Variants in SDK1 observed in about 807,000 individuals in gnomAD.
SDK1 encodes protein sidekick-1.
A neutral mutation model predicts 245.5 loss-of-function variants in SDK1; 157 were observed. The observed-to-expected ratio is 0.64, with a 90% confidence interval of 0.56 to 0.73. The LOEUF is 0.73. Ranked by LOEUF, SDK1 falls within the 30% of genes least tolerant of loss-of-function variation. The pLI is 0.00. For missense variants in SDK1, 3,583 were observed against 3,002.3 expected (o/e 1.19, Z -4.52); for synonymous variants, 1,647 against 1,278.5 (o/e 1.29, Z -6.15).
intron 5 of SDK1, among the ~76,000 whole-genome samples, chr7:3,901,318 C>G (rs1323830220): frequency 6.6e-6 from 1 of 152,134 alleles, no homozygotes; most frequent in Non-Finnish European, 1.5e-5. Context: ...TCCCGAGTAG[C>G]TGGGACTACA....
intron 44 of SDK1, among the ~76,000 whole-genome samples, chr7:4,264,532 CCGCG>C (rs1295858125): frequency 1.5e-5 from 2 of 132,650 alleles, no homozygotes; most frequent in Non-Finnish European, 3.2e-5. Flanking sequence ...GTGAGGGAGG[CCGCG>C]TGGACCTCTC....
chr7:3,547,171 G>T (rs1014725780), intron 1 of SDK1, among the ~76,000 whole-genome samples: 1 of 152,100 alleles, frequency 6.6e-6, no homozygotes, highest in Non-Finnish European at 1.5e-5. Flanking sequence ...AGTAGGTTTA[G>T]AAATTAATGT....
chr7:3,497,960 G>A (rs1475692188), intron 1 of SDK1, among the ~76,000 whole-genome samples: 1 of 152,192 alleles, frequency 6.6e-6, no homozygotes, highest in African/African-American at 2.4e-5. Flanking sequence ...GACAGATGCA[G>A]TGACCTTATC....
intron 1 of SDK1, among the ~76,000 whole-genome samples, chr7:3,547,785 G>A (rs1339757587): frequency 6.6e-6 from 1 of 152,126 alleles, no homozygotes; most frequent in African/African-American, 2.4e-5. Context: ...TGAGATGTGT[G>A]CACACTTCAT....
At chr7:3,847,512 G>A (rs1318058810) in intron 5 of SDK1, among the ~76,000 whole-genome samples, 1 of 152,234 alleles carries the variant, frequency 6.6e-6, no homozygotes, top group Non-Finnish European at 1.5e-5. Flanking sequence ...GACAGAAGGA[G>A]GATTGGAAGC....
chr7:3,768,160 C>T (rs902078698), intron 4 of SDK1, among the ~76,000 whole-genome samples: 3 of 152,168 alleles, frequency 2.0e-5, no homozygotes, highest in Admixed American at 6.5e-5. Flanking sequence ...GTTTAGCAAC[C>T]AGCTTTCTAA....
intron 35 of SDK1, among the ~76,000 whole-genome samples, chr7:4,185,343 T>C (rs892020925): frequency 6.6e-6 from 1 of 152,194 alleles, no homozygotes; most frequent in Non-Finnish European, 1.5e-5. Context: ...CCGGGCACTG[T>C]GGGACCACGC....
rs1481421168 is a variant in SDK1 at position 4,266,488 on chromosome 7, C to CGCTT, written c.*1105_*1108dup. 1.0e-6 allele frequency: 1 copy of CGCTT among 985,312 alleles called. No individual in the cohort carries two copies. The highest frequency in any genetic ancestry group is 6.1e-5 in the Admixed American group (1 of 16,264). The allele number at this position is 985,312 out of a possible 1,614,324, so 61.0% of individuals were successfully genotyped here. ...TCTGCTGGCTGCTCGCAGCAGCCAC[C>CGCTT]GCTTCTCCACCACTGGCGCTGCTGC... is the stretch of plus-strand genomic sequence containing the variant. On this transcript the variant is annotated 3_prime_UTR_variant, in exon 45 of 45. Transcript: ENST00000404826.
chr7:3,606,476 G>A (rs1352735467), intron 1 of SDK1, among the ~76,000 whole-genome samples: 1 of 152,116 alleles, frequency 6.6e-6, no homozygotes, highest in Non-Finnish European at 1.5e-5. Flanking sequence ...TATAAGTCCA[G>A]GGTCCCATAA....
chr7:3,348,140 C>G (rs1026984673), intron 1 of SDK1, among the ~76,000 whole-genome samples: 1 of 152,172 alleles, frequency 6.6e-6, no homozygotes, highest in African/African-American at 2.4e-5. Context: ...TCACAGACAG[C>G]AAAGCTCAAT....
At chr7:3,717,751 C>A (rs1298111954) in intron 4 of SDK1, among the ~76,000 whole-genome samples, 1 of 152,106 alleles carries the variant, frequency 6.6e-6, no homozygotes, top group Non-Finnish European at 1.5e-5. Context: ...TCTTAAAGCC[C>A]TTAGAGAAAC....
chr7:3,660,438 G>C (rs1783315920), intron 4 of SDK1, among the ~76,000 whole-genome samples: 1 of 152,102 alleles, frequency 6.6e-6, no homozygotes, highest in Admixed American at 6.5e-5. Context: ...ACAAAGCATA[G>C]AAAGAGAATG....
intron 5 of SDK1, among the ~76,000 whole-genome samples, chr7:3,933,638 G>T (rs539543346): frequency 6.6e-6 from 1 of 152,246 alleles, no homozygotes; most frequent in South Asian, 2.1e-4. Context: ...TTATCTAAAA[G>T]CATGGCAGAG....
chr7:3,990,370 G>A (rs1458506677), intron 14 of SDK1, among the ~76,000 whole-genome samples: 1 of 152,372 alleles, frequency 6.6e-6, no homozygotes, highest in Non-Finnish European at 1.5e-5. Flanking sequence ...TTTCCTCCCA[G>A]AGATGGGGCA....
intron 4 of SDK1, among the ~76,000 whole-genome samples, chr7:3,676,397 C>T (rs371989235): frequency 6.6e-6 from 1 of 150,644 alleles, no homozygotes; most frequent in South Asian, 2.1e-4. Context: ...GCAGTCTCAG[C>T]TCAGTGCAAG....
chr7:3,752,787 G>A (rs1219759854), intron 4 of SDK1, among the ~76,000 whole-genome samples: 3 of 152,114 alleles, frequency 2.0e-5, no homozygotes, highest in Admixed American at 6.5e-5. Flanking sequence ...AAACAATTGT[G>A]TAGTAAATGC....
intron 4 of SDK1, among the ~76,000 whole-genome samples, chr7:3,795,926 G>A (rs1778950781): frequency 6.6e-6 from 1 of 152,184 alleles, no homozygotes. Context: ...TTCTGGGAAG[G>A]TAATGATTCA....
intron 22 of SDK1, among the ~76,000 whole-genome samples, chr7:4,089,655 C>G (rs2128183038): frequency 6.6e-6 from 1 of 152,342 alleles, no homozygotes; most frequent in South Asian, 2.1e-4. Flanking sequence ...GTGTGGGTGA[C>G]TCCCTGGGGC....
intron 44 of SDK1, among the ~76,000 whole-genome samples, chr7:4,262,116 A>G (rs542917593): frequency 7.3e-6 from 1 of 136,966 alleles, no homozygotes; most frequent in East Asian, 2.1e-4. Context: ...TGCAACCTCA[A>G]GAATCCCTTG....
Sources: allele counts gnomAD v4.1 joint callset (sites outside exome capture counted in the v4.1 genomes callset), GRCh38; gene constraint gnomAD v4.1.1; transcripts MANE v1.5; gene names NCBI Gene and HGNC (gene_info 2026-07-23, HGNC 2026-07-21).